Variants in BMAL2 observed in about 807,000 individuals in gnomAD.
BMAL2 encodes the protein basic helix-loop-helix ARNT-like protein 2.
the BMAL2 span, among the ~76,000 whole-genome samples, chr12:27,375,231 A>G: frequency 6.6e-6 from 1 of 152,204 alleles, no homozygotes; most frequent in African/African-American, 2.4e-5. Context: ...CTAGGAATTT[A>G]TCCTAGAGTA....
chr12:27,374,318 T>C, the BMAL2 span, among the ~76,000 whole-genome samples: 1 of 152,226 alleles, frequency 6.6e-6, no homozygotes, highest in African/African-American at 2.4e-5. Flanking sequence ...TAATTTTTCT[T>C]GTTATTATTC....
At chr12:27,353,112 C>T in the BMAL2 span, among the ~76,000 whole-genome samples, 76,815 of 151,890 alleles carry the variant, frequency 0.51, 19,558 homozygotes, top group East Asian at 0.59. Flanking sequence ...AAAAAGAACC[C>T]GAATAGCCAG....
the BMAL2 span, among the ~76,000 whole-genome samples, chr12:27,347,397 A>G: frequency 6.6e-6 from 1 of 152,212 alleles, no homozygotes; most frequent in African/African-American, 2.4e-5. Context: ...AATACCTGGT[A>G]GAACTCCAGG....
chr12:27,363,783 G>T, the BMAL2 span, among the ~76,000 whole-genome samples: 1 of 151,986 alleles, frequency 6.6e-6, no homozygotes, highest in Non-Finnish European at 1.5e-5. Flanking sequence ...TTTCTTTGTA[G>T]TGTCTTTCAA....
At chr12:27,402,569 A>G in the BMAL2 span, 1 of 1,455,826 alleles carries the variant, frequency 6.9e-7, no homozygotes, top group Non-Finnish European at 9.5e-7. Flanking sequence ...TTGCTATAAC[A>G]GTTTCCTTCA....
At chr12:27,397,350 G>A in the BMAL2 span, among the ~76,000 whole-genome samples, 65 of 152,312 alleles carry the variant, frequency 4.3e-4, no homozygotes, top group East Asian at 2.1e-3. Context: ...GATTATAGGC[G>A]TGAGCCACCA....
the BMAL2 span, chr12:27,380,316 A>T: frequency 3.1e-5 from 50 of 1,614,100 alleles, no homozygotes; most frequent in Non-Finnish European, 3.6e-5. Context: ...AACTGTCTGC[A>T]ATGATCCCTC....
chr12:27,403,722 GA>G, the BMAL2 span, among the ~76,000 whole-genome samples: 2 of 151,524 alleles, frequency 1.3e-5, no homozygotes, highest in African/African-American at 2.4e-5. Flanking sequence ...ATACCAACAT[GA>G]AAAAAAACTT....
chr12:27,333,886 C>T, the BMAL2 span, among the ~76,000 whole-genome samples: 16 of 152,236 alleles, frequency 1.1e-4, no homozygotes, highest in Non-Finnish European at 1.8e-4. Context: ...TTCCTTACAA[C>T]GGGGCCTTTG....
At chr12:27,377,122 G>A in the BMAL2 span, among the ~76,000 whole-genome samples, 2 of 151,120 alleles carry the variant, frequency 1.3e-5, no homozygotes, top group African/African-American at 4.9e-5. Flanking sequence ...TCGCCTATCA[G>A]AGTTTTGCTT....
the BMAL2 span, among the ~76,000 whole-genome samples, chr12:27,410,111 A>T: frequency 1.3e-5 from 2 of 151,058 alleles, no homozygotes; most frequent in Non-Finnish European, 3.0e-5. Flanking sequence ...GCTGGAGAGG[A>T]TGTTGAGAAA....
the BMAL2 span, among the ~76,000 whole-genome samples, chr12:27,409,931 A>G: frequency 4.5e-4 from 69 of 152,166 alleles, no homozygotes; most frequent in Non-Finnish European, 2.2e-4. Context: ...AAAAGTGGGC[A>G]AAGGATATGA....
chr12:27,335,251 A>G, the BMAL2 span, among the ~76,000 whole-genome samples: 1 of 152,150 alleles, frequency 6.6e-6, no homozygotes, highest in Non-Finnish European at 1.5e-5. Context: ...TGTAAACCAA[A>G]CTATGGGTTT....
the BMAL2 span, among the ~76,000 whole-genome samples, chr12:27,360,803 CAAA>C: frequency 6.5e-3 from 302 of 46,794 alleles, 4 homozygotes; most frequent in African/African-American, 0.021. Flanking sequence ...GTGATTTGTC[CAAA>C]AAAAAAAAAA....
At chr12:27,351,556 T>G in the BMAL2 span, among the ~76,000 whole-genome samples, 1 of 152,112 alleles carries the variant, frequency 6.6e-6, no homozygotes, top group Non-Finnish European at 1.5e-5. Context: ...GCTCATACAG[T>G]CTCAGCTACT....
the BMAL2 span, among the ~76,000 whole-genome samples, chr12:27,339,576 T>C: frequency 4.6e-5 from 7 of 152,176 alleles, no homozygotes; most frequent in South Asian, 2.1e-4. Context: ...CCACCAACAG[T>C]GTATTAGCAT....
the BMAL2 span, chr12:27,401,617 T>G: frequency 6.2e-7 from 1 of 1,611,720 alleles, no homozygotes; most frequent in Non-Finnish European, 8.5e-7. Flanking sequence ...TGGTTTAGTT[T>G]CACAAATCCT....
At chr12:27,380,327 A>G in the BMAL2 span, 1 of 1,614,226 alleles carries the variant, frequency 6.2e-7, no homozygotes, top group Non-Finnish European at 8.5e-7. Context: ...ATGATCCCTC[A>G]GTGCAACCCC....
the BMAL2 span, among the ~76,000 whole-genome samples, chr12:27,419,303 C>A: frequency 1.1e-4 from 16 of 152,196 alleles, no homozygotes; most frequent in African/African-American, 3.9e-4. Flanking sequence ...ATTTGGCTCA[C>A]AGTTCTGGGG....
Sources: allele counts gnomAD v4.1 joint callset (sites outside exome capture counted in the v4.1 genomes callset), GRCh38; gene constraint gnomAD v4.1.1; transcripts MANE v1.5; gene names NCBI Gene and HGNC (gene_info 2026-07-23, HGNC 2026-07-21).